DTNB: variants seen among roughly 807,000 people sequenced by gnomAD.
DTNB encodes the protein dystrobrevin beta, also known as DTN-B.
DTNB carries 63 observed loss-of-function variants against 90.7 expected under a neutral mutation model. That is an observed-to-expected ratio of 0.69 (90% CI 0.57 to 0.86). DTNB has a LOEUF of 0.86. DTNB is among the 40% of genes least tolerant of loss of function. DTNB has a pLI of 0.00. For synonymous variants in DTNB, 277 were observed against 286.7 expected, an observed-to-expected ratio of 0.97 and a Z score of 0.34; for missense variants, 744 against 807.1, an observed-to-expected ratio of 0.92 and a Z score of 0.95.
At chr2:25,621,436 G>C (rs945927943) in intron 4 of DTNB, among the ~76,000 whole-genome samples, 1 of 146,250 alleles carries the variant, frequency 6.8e-6, no homozygotes, top group Non-Finnish European at 1.5e-5. Context: ...AAATTAAACT[G>C]CTAAATCAAC....
At chr2:25,454,230 T>C (rs2150145808) in intron 11 of DTNB, among the ~76,000 whole-genome samples, 1 of 152,294 alleles carries the variant, frequency 6.6e-6, no homozygotes, top group East Asian at 1.9e-4. Context: ...TGATGCTATT[T>C]AGTCATATCA....
intron 8 of DTNB, chr2:25,576,588 T>C (rs545882693): frequency 8.2e-6 from 3 of 367,218 alleles, no homozygotes; most frequent in Non-Finnish European, 1.4e-5. Flanking sequence ...CACTGCAACA[T>C]TCCATTTTAC....
intron 9 of DTNB, among the ~76,000 whole-genome samples, chr2:25,526,395 A>ATATTTTTTTTTTTTT: frequency 8.0e-5 from 4 of 49,828 alleles, no homozygotes; most frequent in African/African-American, 3.9e-4. Flanking sequence ...ATATATATAT[A>ATATTTTTTTTTTTTT]TTTTTTTTTT....
At chr2:25,636,460 C>T (rs935469475) in intron 3 of DTNB, among the ~76,000 whole-genome samples, 5 of 152,148 alleles carry the variant, frequency 3.3e-5, no homozygotes, top group South Asian at 4.1e-4. Context: ...ACACTCCACA[C>T]GTAGACTACT....
intron 9 of DTNB, among the ~76,000 whole-genome samples, chr2:25,496,144 C>T (rs1018112546): frequency 6.6e-5 from 10 of 152,152 alleles, no homozygotes; most frequent in African/African-American, 2.4e-4. Context: ...TTAACTATAA[C>T]AAATTAACTA....
chr2:25,387,194 G>A lies in DTNB; in HGVS notation c.1825+95C>T. 8.4e-7 allele frequency: 1 copy of A among 1,187,776 alleles called. No individual in the cohort carries two copies. The highest frequency in any genetic ancestry group is 1.4e-5 in the South Asian group (1 of 71,862). The allele number at this position is 1,187,776 out of a possible 1,614,324, so 73.6% of individuals were successfully genotyped here. A position where few individuals can be genotyped will look rare whatever the true frequency, so the allele number is the denominator to read the frequency against. ...GTGATGAAATGGGGTGGTGCAAGCT[G>A]GGTGGTGAGGTTCTGCCGGTGCTGG... On this transcript the variant is annotated intron_variant, in intron 18 of 20. Transcript: ENST00000406818. The surrounding 1 kb of genome is among the most constrained non-coding windows in gnomAD (Gnocchi z 4.5).
chr2:25,522,261 C>T (rs968567182), intron 9 of DTNB, among the ~76,000 whole-genome samples: 6 of 152,086 alleles, frequency 3.9e-5, no homozygotes, highest in African/African-American at 1.4e-4. Flanking sequence ...TTCTCACCAC[C>T]CCCCAGAAAG....
chr2:25,671,968 T>C (rs1427726582), intron 1 of DTNB, among the ~76,000 whole-genome samples: 1 of 151,202 alleles, frequency 6.6e-6, no homozygotes, highest in Non-Finnish European at 1.5e-5. Context: ...AGGACCAAAA[T>C]GAAAAAGTGT....
intron 1 of DTNB, among the ~76,000 whole-genome samples, chr2:25,654,055 T>A (rs1007345241): frequency 6.6e-6 from 1 of 152,148 alleles, no homozygotes; most frequent in East Asian, 1.9e-4. Context: ...CCGGTAGATA[T>A]AATGCCCATT....
intron 9 of DTNB, among the ~76,000 whole-genome samples, chr2:25,492,829 G>A (rs1251890695): frequency 6.6e-6 from 1 of 151,932 alleles, no homozygotes; most frequent in Admixed American, 6.6e-5. Context: ...CAGAGTGGGT[G>A]ACAAAGTGAG....
At chr2:25,630,633 T>C (rs1032039827) in intron 3 of DTNB, among the ~76,000 whole-genome samples, 4 of 151,596 alleles carry the variant, frequency 2.6e-5, no homozygotes, top group South Asian at 2.1e-4. Context: ...TCACTTGAGG[T>C]TGGGAGTTCG....
intron 1 of DTNB, among the ~76,000 whole-genome samples, chr2:25,663,507 A>T (rs2083700967): frequency 6.6e-6 from 1 of 152,238 alleles, no homozygotes; most frequent in African/African-American, 2.4e-5. Flanking sequence ...ACAATGGTTG[A>T]ACAATATATT....
intron 15 of DTNB, among the ~76,000 whole-genome samples, chr2:25,422,931 G>A (rs1305476643): frequency 2.0e-5 from 3 of 152,076 alleles, no homozygotes; most frequent in Non-Finnish European, 2.9e-5. Context: ...GGTGGCTCAC[G>A]CCTGTAATCC....
chr2:25,641,477 G>A (rs912834601), intron 2 of DTNB, among the ~76,000 whole-genome samples: 7 of 151,986 alleles, frequency 4.6e-5, no homozygotes, highest in African/African-American at 7.3e-5. Flanking sequence ...TGCCCAGGAT[G>A]GTCTCAAGCT....
chr2:25,519,612 G>A (rs943854368), intron 9 of DTNB, among the ~76,000 whole-genome samples: 3 of 152,008 alleles, frequency 2.0e-5, no homozygotes, highest in South Asian at 2.1e-4. Flanking sequence ...TTGACCATGC[G>A]AATTCCAAAA....
chr2:25,406,681 A>G (rs930716403), intron 16 of DTNB, among the ~76,000 whole-genome samples: 2 of 152,160 alleles, frequency 1.3e-5, no homozygotes, highest in Non-Finnish European at 1.5e-5. Flanking sequence ...CCCGAATGTC[A>G]CTAATGCTGA....
intron 12 of DTNB, among the ~76,000 whole-genome samples, chr2:25,437,552 G>A (rs965009607): frequency 2.0e-5 from 3 of 151,976 alleles, no homozygotes; most frequent in Admixed American, 6.6e-5. Context: ...ATGAGCCACC[G>A]CACTCAGCTT....
At chr2:25,402,280 A>G (rs1049335047) in intron 16 of DTNB, among the ~76,000 whole-genome samples, 9 of 152,198 alleles carry the variant, frequency 5.9e-5, no homozygotes, top group African/African-American at 2.2e-4. Context: ...ATTGGGAGTT[A>G]GGACTGGCAA....
intron 9 of DTNB, among the ~76,000 whole-genome samples, chr2:25,515,365 C>A (rs2074874463): frequency 6.6e-6 from 1 of 151,982 alleles, no homozygotes; most frequent in South Asian, 2.1e-4. Flanking sequence ...CTTACACTAC[C>A]CAATTTCAAA....
Sources: allele counts gnomAD v4.1 joint callset (sites outside exome capture counted in the v4.1 genomes callset), GRCh38; gene constraint gnomAD v4.1.1; non-coding constraint Gnocchi (gnomAD v3.1); transcripts MANE v1.5; gene names NCBI Gene and HGNC (gene_info 2026-07-23, HGNC 2026-07-21).